IFT25: variants seen among roughly 807,000 people sequenced by gnomAD.
The protein encoded by IFT25 is intraflagellar transport 25.
At chr1:53,939,536 G>A in the IFT25 span, 170 of 155,486 alleles carry the variant, frequency 1.1e-3, 1 homozygote, top group Non-Finnish European at 1.8e-3. Flanking sequence ...ATATCAAAAA[G>A]GGGAGAAGCA....
chr1:53,928,318 A>T, the IFT25 span: 4 of 1,337,146 alleles, frequency 3.0e-6, no homozygotes, highest in African/African-American at 5.8e-5. Context: ...ATGCAGAATC[A>T]AAGGAATATT....
the IFT25 span, among the ~76,000 whole-genome samples, chr1:53,937,360 C>G: frequency 2.0e-5 from 3 of 152,114 alleles, no homozygotes. Flanking sequence ...CTCAACTGAT[C>G]TGCCCGCCTC....
At chr1:53,943,259 G>A in the IFT25 span, among the ~76,000 whole-genome samples, 1 of 152,182 alleles carries the variant, frequency 6.6e-6, no homozygotes. Flanking sequence ...AGAAATCTAC[G>A]AAGGAAGCCA....
the IFT25 span, among the ~76,000 whole-genome samples, chr1:53,922,781 A>C: frequency 6.6e-6 from 1 of 152,220 alleles, no homozygotes; most frequent in African/African-American, 2.4e-5. Flanking sequence ...AGCCTGTGAT[A>C]TAATACTAAG....
the IFT25 span, chr1:53,939,676 C>T: frequency 4.9e-3 from 1,533 of 309,870 alleles, 24 homozygotes; most frequent in African/African-American, 0.03. Context: ...CGGAGTAAAA[C>T]CATAACCAGA....
chr1:53,935,725 G>A, the IFT25 span, among the ~76,000 whole-genome samples: 1 of 151,578 alleles, frequency 6.6e-6, no homozygotes, highest in African/African-American at 2.4e-5. Flanking sequence ...CTCCTGCCTT[G>A]GCTTCCCAAA....
At chr1:53,929,923 G>GTT in the IFT25 span, 14 of 1,372,336 alleles carry the variant, frequency 1.0e-5, no homozygotes, top group African/African-American at 4.6e-5. Flanking sequence ...TTTGCCAAAA[G>GTT]TTTACATATA....
the IFT25 span, among the ~76,000 whole-genome samples, chr1:53,920,618 T>C: frequency 2.6e-5 from 4 of 152,204 alleles, no homozygotes; most frequent in Non-Finnish European, 5.9e-5. Flanking sequence ...TCACTGATAC[T>C]TGGATGTCAC....
At chr1:53,927,908 C>G in the IFT25 span, among the ~76,000 whole-genome samples, 1 of 152,090 alleles carries the variant, frequency 6.6e-6, no homozygotes, top group Admixed American at 6.6e-5. Flanking sequence ...AGGTTTATGC[C>G]TCTTTTTATT....
At chr1:53,920,897 G>A in the IFT25 span, among the ~76,000 whole-genome samples, 2 of 152,340 alleles carry the variant, frequency 1.3e-5, no homozygotes, top group Admixed American at 1.3e-4. Flanking sequence ...TAAAGGCCGG[G>A]TGCGGTGGCT....
chr1:53,938,252 T>C, the IFT25 span, among the ~76,000 whole-genome samples: 1 of 152,242 alleles, frequency 6.6e-6, no homozygotes, highest in Non-Finnish European at 1.5e-5. Context: ...TATGTGTTTA[T>C]ATGTATGTGT....
At chr1:53,944,647 A>C in the IFT25 span, among the ~76,000 whole-genome samples, 1 of 152,196 alleles carries the variant, frequency 6.6e-6, no homozygotes, top group Non-Finnish European at 1.5e-5. Context: ...TCTCCAAAAA[A>C]CAAAACAAAG....
chr1:53,926,811 C>T, the IFT25 span, among the ~76,000 whole-genome samples: 1 of 152,032 alleles, frequency 6.6e-6, no homozygotes, highest in African/African-American at 2.4e-5. Context: ...CAGTCTCAAC[C>T]TCCTGGGCTC....
chr1:53,945,961 C>A, the IFT25 span: 1 of 149,938 alleles, frequency 6.7e-6, no homozygotes, highest in Non-Finnish European at 1.5e-5. Context: ...CCCAGAGGCC[C>A]CACCCCGCCT....
the IFT25 span, among the ~76,000 whole-genome samples, chr1:53,922,221 C>T: frequency 6.6e-6 from 1 of 152,104 alleles, no homozygotes; most frequent in Admixed American, 6.5e-5. Flanking sequence ...ATGGAGAAAC[C>T]CTGTCTCTAC....
the IFT25 span, among the ~76,000 whole-genome samples, chr1:53,925,975 G>A: frequency 3.4e-5 from 5 of 149,226 alleles, no homozygotes; most frequent in African/African-American, 4.9e-5. Flanking sequence ...CGTGGTGCAC[G>A]CCTGTAATTC....
the IFT25 span, among the ~76,000 whole-genome samples, chr1:53,922,417 T>A: frequency 6.6e-6 from 1 of 151,820 alleles, no homozygotes; most frequent in Non-Finnish European, 1.5e-5. Context: ...AAAAAGTGTC[T>A]TTCTAAAGTA....
chr1:53,920,074 T>C, the IFT25 span, among the ~76,000 whole-genome samples: 1 of 149,504 alleles, frequency 6.7e-6, no homozygotes, highest in African/African-American at 2.6e-5. Context: ...GCTGGGATTA[T>C]AGGTGTGGGC....
At chr1:53,928,733 G>A in the IFT25 span, 1 of 293,416 alleles carries the variant, frequency 3.4e-6, no homozygotes, top group African/African-American at 2.2e-5. Context: ...TACTACTATT[G>A]GTGGTCTTGG....
Sources: gnomAD v4.1 joint callset for allele counts (sites outside exome capture counted in the v4.1 genomes callset) on GRCh38, gnomAD v4.1.1 for gene constraint, MANE v1.5 for transcripts, NCBI Gene and HGNC (gene_info 2026-07-23, HGNC 2026-07-21) for gene names.